Variants in PRELID2 observed in about 807,000 individuals in gnomAD.
The protein encoded by PRELID2 is PRELI domain containing 2.
PRELID2 carries 25 observed loss-of-function variants against 28.4 expected under a neutral mutation model. That is an observed-to-expected ratio of 0.88 (90% confidence interval 0.64 to 1.23). The LOEUF (loss-of-function observed/expected upper bound fraction) is 1.23. Ranked by LOEUF, PRELID2 falls within the 50% of genes most tolerant of loss-of-function variation. The pLI is 0.00. For missense variants in PRELID2, 201 were observed against 214.4 expected (o/e 0.94, Z 0.39); for synonymous variants, 76 against 71.6 (o/e 1.06, Z -0.31).
Position 145,829,866 on chromosome 5 carries a change from T to G in PRELID2, c.75+5311A>C, listed in dbSNP as rs1581300634. ...AAACATTATTAATTACCCAATCAAC[T>G]TTCTACTCTAAATGGAAATAGCCCT... is the stretch of plus-strand genomic sequence containing the variant. On this transcript the variant is annotated intron_variant, in intron 1 of 6. Coordinates refer to ENST00000683046, the MANE Select transcript of PRELID2 (RefSeq NM_205846.3). Among the ~76,000 whole-genome samples the G allele has an allele frequency of 2.0e-5, 3 of 152,184 alleles. No individual in the cohort carries two copies. In the South Asian group the frequency reaches 6.2e-4, roughly 32 times the overall value.
intron 1 of PRELID2, among the ~76,000 whole-genome samples, chr5:145,707,073 A>G (rs1279048204): frequency 2.0e-5 from 3 of 152,218 alleles, no homozygotes; most frequent in African/African-American, 7.2e-5. Context: ...GGACGTGAAA[A>G]AATTTATTAA....
intron 1 of PRELID2, among the ~76,000 whole-genome samples, chr5:145,532,804 T>C (rs1307553072): frequency 6.6e-6 from 1 of 152,150 alleles, no homozygotes; most frequent in Non-Finnish European, 1.5e-5. Context: ...TTTCTTCTGT[T>C]TATAGACTGA....
chr5:145,263,100 T>C, the PRELID2 span, among the ~76,000 whole-genome samples: 1 of 152,082 alleles, frequency 6.6e-6, no homozygotes, highest in Admixed American at 6.5e-5. Flanking sequence ...AGGGACATTA[T>C]GTAAAAATAA....
At chr5:145,247,296 G>A in the PRELID2 span, among the ~76,000 whole-genome samples, 3 of 152,106 alleles carry the variant, frequency 2.0e-5, no homozygotes, top group Non-Finnish European at 4.4e-5. Flanking sequence ...AGATGCTGGA[G>A]ACTGATTTGA....
intron 1 of PRELID2, among the ~76,000 whole-genome samples, chr5:145,609,041 G>A (rs985745115): frequency 6.6e-6 from 1 of 152,054 alleles, no homozygotes; most frequent in African/African-American, 2.4e-5. Flanking sequence ...TCCTCAGCTT[G>A]GTCAATTCTG....
the PRELID2 span, among the ~76,000 whole-genome samples, chr5:145,414,866 G>T: frequency 1.3e-5 from 2 of 152,134 alleles, no homozygotes; most frequent in African/African-American, 2.4e-5. Context: ...GTCCACATGG[G>T]AGGATTCTGT....
chr5:145,292,762 C>T, the PRELID2 span, among the ~76,000 whole-genome samples: 3 of 152,160 alleles, frequency 2.0e-5, no homozygotes, highest in Non-Finnish European at 4.4e-5. Flanking sequence ...GGCTACAGTA[C>T]AGTGACATAA....
chr5:145,666,568 A>C (rs1754599349), intron 1 of PRELID2, among the ~76,000 whole-genome samples: 1 of 152,076 alleles, frequency 6.6e-6, no homozygotes, highest in African/African-American at 2.4e-5. Context: ...AACTGAGCCC[A>C]TCTCACTCAC....
chr5:145,744,628 T>C (rs1486025955), intron 1 of PRELID2, among the ~76,000 whole-genome samples: 1 of 152,026 alleles, frequency 6.6e-6, no homozygotes, highest in East Asian at 1.9e-4. Flanking sequence ...GACCTCACCA[T>C]TTAAAGAAAA....
chr5:145,497,016 C>T (rs1242724853), intron 1 of PRELID2, among the ~76,000 whole-genome samples: 3 of 151,996 alleles, frequency 2.0e-5, no homozygotes, highest in African/African-American at 4.8e-5. Flanking sequence ...GTGTGTGCCA[C>T]CATGCTCAGT....
At chr5:145,697,214 G>T (rs1309122709) in intron 1 of PRELID2, among the ~76,000 whole-genome samples, 1 of 151,588 alleles carries the variant, frequency 6.6e-6, no homozygotes, top group African/African-American at 2.4e-5. Context: ...ATACATATGT[G>T]TGATATATGT....
chr5:145,249,592 G>A, the PRELID2 span, among the ~76,000 whole-genome samples: 2 of 151,850 alleles, frequency 1.3e-5, no homozygotes, highest in African/African-American at 4.8e-5. Context: ...ATATTGCAAC[G>A]GTTGCCAGGA....
chr5:145,785,108 C>T (rs1289275528), intron 5 of PRELID2, among the ~76,000 whole-genome samples: 1 of 152,134 alleles, frequency 6.6e-6, no homozygotes, highest in Non-Finnish European at 1.5e-5. Context: ...TTAAAGCTGA[C>T]AATGATTGAG....
chr5:145,713,699 T>C (rs2149712096), intron 1 of PRELID2, among the ~76,000 whole-genome samples: 1 of 143,984 alleles, frequency 6.9e-6, no homozygotes, highest in East Asian at 2.0e-4. Flanking sequence ...ACTATATATA[T>C]ATAAAGTCAG....
intron 1 of PRELID2, among the ~76,000 whole-genome samples, chr5:145,520,796 A>G (rs1012594742): frequency 2.6e-5 from 4 of 152,178 alleles, no homozygotes; most frequent in African/African-American, 9.7e-5. Flanking sequence ...TCATATTATC[A>G]TCTCATCCCT....
chr5:145,581,931 C>T (rs1303513319), intron 1 of PRELID2, among the ~76,000 whole-genome samples: 3 of 152,034 alleles, frequency 2.0e-5, no homozygotes, highest in Non-Finnish European at 1.5e-5. Flanking sequence ...TGTTCCAAAT[C>T]AACTGATTCA....
chr5:145,661,324 T>C (rs1754488402), intron 1 of PRELID2, among the ~76,000 whole-genome samples: 1 of 152,184 alleles, frequency 6.6e-6, no homozygotes, highest in South Asian at 2.1e-4. Flanking sequence ...CTTAATGGTA[T>C]GCTATGTATC....
intron 1 of PRELID2, among the ~76,000 whole-genome samples, chr5:145,708,303 G>GA (rs375795372): frequency 0.13 from 18,479 of 143,484 alleles, 1,208 homozygotes; most frequent in African/African-American, 0.18. Context: ...GATGAATCAA[G>GA]AAAAAAAAAA....
chr5:145,507,162 T>C (rs1283496733), intron 1 of PRELID2, among the ~76,000 whole-genome samples: 2 of 152,138 alleles, frequency 1.3e-5, no homozygotes, highest in Non-Finnish European at 2.9e-5. Context: ...TTCATTCCAA[T>C]GTTAGTCCCT....
Sources: allele counts gnomAD v4.1 joint callset (sites outside exome capture counted in the v4.1 genomes callset), GRCh38; gene constraint gnomAD v4.1.1; transcripts MANE v1.5; gene names NCBI Gene and HGNC (gene_info 2026-07-23, HGNC 2026-07-21).